The following ADAMTS3 variants were observed in gnomAD, a reference collection of about 807,000 sequenced individuals.
ADAMTS3 encodes the protein A disintegrin and metalloproteinase with thrombospondin motifs 3.
A neutral mutation model predicts 129.0 loss-of-function variants in ADAMTS3; 73 were observed. The observed-to-expected ratio is 0.57, with a 90% CI of 0.47 to 0.69. ADAMTS3 has a LOEUF of 0.69. Among genes scored for constraint, ADAMTS3 ranks in the 30% least tolerant of loss-of-function variants. ADAMTS3 has a pLI of 0.00. For missense variants in ADAMTS3, 1,457 were observed against 1,514.5 expected (o/e 0.96, Z 0.63); for synonymous variants, 477 against 510.8 (o/e 0.93, Z 0.89).
chr4:72,299,925 C>T (rs16847816), intron 17 of ADAMTS3, among the ~76,000 whole-genome samples: 28,924 of 151,816 alleles, frequency 0.19, 3,311 homozygotes, highest in East Asian at 0.47. Flanking sequence ...GGCAAAGCTG[C>T]CTTTAAAAAA....
intron 11 of ADAMTS3, among the ~76,000 whole-genome samples, chr4:72,314,852 T>C (rs1719349020): frequency 6.6e-6 from 1 of 152,192 alleles, no homozygotes; most frequent in African/African-American, 2.4e-5. Flanking sequence ...CATTTGAAAT[T>C]GAGCTTTAAA....
intron 4 of ADAMTS3, among the ~76,000 whole-genome samples, chr4:72,369,813 C>T (rs373194181): frequency 1.3e-5 from 2 of 149,984 alleles, no homozygotes; most frequent in Non-Finnish European, 3.0e-5. Flanking sequence ...TAAGACATGA[C>T]ACAAAAACAA....
At position 72,283,514 on chromosome 4, in the gene ADAMTS3, A is replaced by T. The variant is rs752087801; in HGVS notation, c.3240T>A (p.Pro1080=). ...AAGATGTAGGCATCACTAGAGATCTAGGGAGGTCACTAGGGTTAGAGATGA... is the reference window on the plus strand; with the variant it reads ...AAGATGTAGGCATCACTAGAGATCTTGGGAGGTCACTAGGGTTAGAGATGA... The part of the protein sequence containing the change: ...DDVISNPSDL[P]RSLVMPTSLV... The change falls in exon 22 of 22, where the codon CCT becomes CCA. Residue 1080 remains proline (P), a synonymous_variant. Coordinates refer to ENST00000286657, the MANE Select transcript of ADAMTS3 (RefSeq NM_014243.3). 6.2e-7 allele frequency: 1 copy of T among 1,614,062 alleles called. No homozygotes were observed. The highest frequency in any genetic ancestry group is 2.2e-5 in the East Asian group (1 of 44,854).
intron 4 of ADAMTS3, among the ~76,000 whole-genome samples, chr4:72,363,492 A>T (rs1720780568): frequency 6.6e-6 from 1 of 152,220 alleles, no homozygotes; most frequent in South Asian, 2.1e-4. Flanking sequence ...TGCAATGTCA[A>T]TCAACATCCC....
Position 72,479,517 on chromosome 4 carries a change from TC to T in ADAMTS3, c.505-64547del, listed in dbSNP as rs542174388. ...TGTAGAAAGCTGAAACTGGATCCTT[TC>T]CTTACACCTTATATAAAAGTTAACT... On this transcript the variant is annotated intron_variant, in intron 3 of 21. Transcript: ENST00000286657. Among the ~76,000 whole-genome samples, 34 of 152,312 alleles carry T rather than the reference TC, an allele frequency of 2.2e-4. No individual in the cohort carries two copies. The East Asian group carries it at 6.6e-3, about 29-fold the overall frequency.
intron 3 of ADAMTS3, among the ~76,000 whole-genome samples, chr4:72,431,991 G>C (rs1722711502): frequency 6.6e-6 from 1 of 151,870 alleles, no homozygotes; most frequent in African/African-American, 2.4e-5. Flanking sequence ...GATAAAAAAA[G>C]GTTACCAGCA....
intron 3 of ADAMTS3, among the ~76,000 whole-genome samples, chr4:72,501,407 G>A (rs1017020136): frequency 6.6e-6 from 1 of 151,906 alleles, no homozygotes; most frequent in Non-Finnish European, 1.5e-5. Context: ...TTCTTGATTT[G>A]GCTCGCAGCT....
intron 2 of ADAMTS3, among the ~76,000 whole-genome samples, chr4:72,557,972 T>A (rs1179272258): frequency 6.6e-6 from 1 of 151,834 alleles, no homozygotes; most frequent in Non-Finnish European, 1.5e-5. Context: ...TCGAGAGCTA[T>A]GTTAGGCACT....
intron 5 of ADAMTS3, among the ~76,000 whole-genome samples, chr4:72,333,370 G>T (rs900357551): frequency 6.6e-6 from 1 of 151,970 alleles, no homozygotes; most frequent in African/African-American, 2.4e-5. Flanking sequence ...CTAAAAAAAC[G>T]TATAAATTAT....
intron 15 of ADAMTS3, among the ~76,000 whole-genome samples, chr4:72,308,147 AC>A (rs1719136656): frequency 6.6e-6 from 1 of 152,018 alleles, no homozygotes. Context: ...GAAGAAAATT[AC>A]ATTTGACTCC....
intron 3 of ADAMTS3, among the ~76,000 whole-genome samples, chr4:72,538,505 A>C (rs531510537): frequency 6.6e-6 from 1 of 152,236 alleles, no homozygotes; most frequent in South Asian, 2.1e-4. Context: ...CAAGAGAAAA[A>C]AAAAAGGTAC....
chr4:72,342,120 G>A lies in ADAMTS3; in HGVS notation c.662-2427C>T, dbSNP rs1002162311. Among the ~76,000 whole-genome samples, 3 of 152,276 alleles carry A rather than the reference G, an allele frequency of 2.0e-5. No individual in the cohort carries two copies. In the South Asian group the frequency reaches 6.2e-4, roughly 32 times the overall value. On this transcript the variant is annotated intron_variant, in intron 4 of 21. Transcript: ENST00000286657. ...CCATCTTGCTTCTCACCTCCAAGCT[G>A]TTCTTGGTTATTTCTGGGCATAGGC... is the stretch of plus-strand genomic sequence containing the variant.
chr4:72,420,378 C>G (rs1157654416), intron 3 of ADAMTS3, among the ~76,000 whole-genome samples: 7 of 152,168 alleles, frequency 4.6e-5, no homozygotes, highest in Non-Finnish European at 8.8e-5. Flanking sequence ...TACTTGGAAT[C>G]CTCTTCCCCT....
intron 15 of ADAMTS3, 133 bp from the exon 16 acceptor site, chr4:72,306,200 G>A (rs1311005613): frequency 2.2e-5 from 13 of 581,692 alleles, no homozygotes; most frequent in South Asian, 3.4e-5. Flanking sequence ...AAGCAGTTTC[G>A]GAAATTAACT....
At chr4:72,528,214 T>TA (rs71821571) in intron 3 of ADAMTS3, among the ~76,000 whole-genome samples, 40,756 of 148,322 alleles carry the variant, frequency 0.27, 5,552 homozygotes, top group Middle Eastern at 0.35. Context: ...ATTCTCTCTT[T>TA]AAAAAAAAAA....
At chr4:72,313,650 TAAC>T in intron 12 of ADAMTS3, 24 bp downstream of exon 12, 1 of 1,609,038 alleles carries the variant, frequency 6.2e-7, no homozygotes, top group South Asian at 1.1e-5. Flanking sequence ...TCTCCAAAAA[TAAC>T]AAGAGTTACA....
In ADAMTS3 at chr4:72,283,829, T is replaced by A. The variant is rs558211079; in HGVS notation, c.3050-125A>T. ...TGCAATCTGACACTAACGGGAGTGATCCACACGAGCTTTTGCATTAAAAAT... is the reference window on the plus strand; with the variant it reads ...TGCAATCTGACACTAACGGGAGTGAACCACACGAGCTTTTGCATTAAAAAT... On this transcript the variant is annotated intron_variant, in intron 21 of 21. Transcript: ENST00000286657. 2.5e-5 allele frequency: 18 copies of A among 719,990 alleles called. No individual in the cohort carries two copies. The African/African-American group carries it at 3.0e-4, about 12-fold the overall frequency. 44.6% of individuals were successfully genotyped at this position (719,990 alleles called of 1,614,324 possible). A position where few individuals can be genotyped will look rare whatever the true frequency, so the allele number is the denominator to read the frequency against.
chr4:72,369,758 C>CAA lies in ADAMTS3; in HGVS notation c.662-30067_662-30066dup, dbSNP rs377336677. 2.1e-4 allele frequency among the ~76,000 whole-genome samples: 27 copies of CAA among 130,376 alleles called. 2 individuals carry two copies. The highest frequency in any genetic ancestry group is 7.4e-4 in the African/African-American group (27 of 36,728). 85.5% of individuals were successfully genotyped at this position (130,376 alleles called of 152,430 possible). A position where few individuals can be genotyped will look rare whatever the true frequency, so the allele number is the denominator to read the frequency against. On this transcript the variant is annotated intron_variant, in intron 4 of 21. Coordinates refer to ENST00000286657, the MANE Select transcript of ADAMTS3 (RefSeq NM_014243.3). ...AAAAAAAAAATAAACAGACAAAGTA[C>CAA]AAAAAAAAAAAACTTTGAAGGTGTT...
rs892609565 is a variant in ADAMTS3, at chr4:72,518,191, G to A, written c.504+30287C>T. On this transcript the variant is annotated intron_variant, in intron 3 of 21. Coordinates refer to ENST00000286657, the MANE Select transcript of ADAMTS3 (RefSeq NM_014243.3). The stretch of plus-strand genomic sequence containing the variant: ...CTGAGTTCTAGTTTGATTGCACTGT[G>A]GTCTGAGAGACAGTTTGTTATAATT... Among the ~76,000 whole-genome samples, 15 of 152,076 alleles carry A rather than the reference G, an allele frequency of 9.9e-5. No homozygotes were observed. The South Asian group carries it at 1.9e-3, about 19-fold the overall frequency.
Sources: gnomAD v4.1 joint callset for allele counts (sites outside exome capture counted in the v4.1 genomes callset) on GRCh38, gnomAD v4.1.1 for gene constraint, MANE v1.5 for transcripts, NCBI Gene and HGNC (gene_info 2026-07-23, HGNC 2026-07-21) for gene names.